Variants in NUP107 observed in about 807,000 individuals in gnomAD.
NUP107 encodes nucleoporin 107, also known as nuclear pore complex protein Nup107.
A neutral mutation model predicts 141.0 loss-of-function variants in NUP107; 101 were observed. That is an observed-to-expected ratio of 0.72 (90% CI 0.61 to 0.84). The LOEUF is 0.84. Among genes scored for constraint, NUP107 ranks in the 40% least tolerant of loss-of-function variants. NUP107 has a pLI of 0.00. For missense variants in NUP107, 941 were observed against 1,102.7 expected (o/e 0.85, Z 2.08); for synonymous variants, 319 against 363.9 (o/e 0.88, Z 1.41).
chr12:68,687,708 A>C (rs1302803107), intron 1 of NUP107: 5 of 891,938 alleles, frequency 5.6e-6, no homozygotes. Context: ...TCGTACTCCA[A>C]ACATTGAGTA....
intron 22 of NUP107, among the ~76,000 whole-genome samples, chr12:68,732,275 C>T (rs1304931551): frequency 6.6e-6 from 1 of 152,154 alleles, no homozygotes; most frequent in African/African-American, 2.4e-5. Flanking sequence ...GCTGGGATTA[C>T]AGGCATGTGC....
chr12:68,722,975 T>TATA (rs1231246837), intron 17 of NUP107, among the ~76,000 whole-genome samples: 1 of 152,164 alleles, frequency 6.6e-6, no homozygotes, highest in East Asian at 1.9e-4. Flanking sequence ...GGTTAAGGAG[T>TATA]ATAAATAAGT....
intron 8 of NUP107, among the ~76,000 whole-genome samples, chr12:68,704,835 A>G (rs933684360): frequency 6.6e-6 from 1 of 151,910 alleles, no homozygotes; most frequent in East Asian, 1.9e-4. Flanking sequence ...TTTTATGTAT[A>G]TCTGTTAGAC....
At chr12:68,702,252 G>T (rs191959171) in intron 7 of NUP107, among the ~76,000 whole-genome samples, 274 of 151,946 alleles carry the variant, frequency 1.8e-3, no homozygotes, top group Non-Finnish European at 3.4e-3. Context: ...GCCTCCCAAA[G>T]TGCTAGGATT....
intron 17 of NUP107, among the ~76,000 whole-genome samples, chr12:68,723,761 T>A (rs998985684): frequency 6.6e-6 from 1 of 152,226 alleles, no homozygotes; most frequent in Non-Finnish European, 1.5e-5. Context: ...AATAGGAACT[T>A]GCTGTTCTAC....
intron 17 of NUP107, among the ~76,000 whole-genome samples, chr12:68,724,144 TAA>T (rs2136035570): frequency 6.6e-6 from 1 of 152,094 alleles, no homozygotes; most frequent in South Asian, 2.1e-4. Flanking sequence ...GTTTTTTTTT[TAA>T]AAGTCAAGTC....
intron 15 of NUP107, 47 bp downstream of exon 15, chr12:68,721,224 TAAATA>T (rs747075812): frequency 7.4e-6 from 9 of 1,217,830 alleles, no homozygotes; most frequent in East Asian, 7.0e-5. Flanking sequence ...GGAGTAAAAT[TAAATA>T]AAATATTCTA....
intron 6 of NUP107, among the ~76,000 whole-genome samples, chr12:68,697,967 G>T (rs1267014037): frequency 6.6e-6 from 1 of 151,130 alleles, no homozygotes; most frequent in Non-Finnish European, 1.5e-5. Flanking sequence ...GGCGGAAGTT[G>T]CAGTGAACCA....
chr12:68,720,257 A>G (rs1877298501), intron 14 of NUP107, among the ~76,000 whole-genome samples: 1 of 152,170 alleles, frequency 6.6e-6, no homozygotes, highest in Admixed American at 6.5e-5. Context: ...TACATCTGTC[A>G]AACAGTTCAA....
chr12:68,705,767 G>A (rs533079190), intron 8 of NUP107: 3 of 734,874 alleles, frequency 4.1e-6, no homozygotes, highest in Admixed American at 3.6e-5. Flanking sequence ...GGCAGCAGCA[G>A]TTTCCGGGGT....
Position 68,733,469 on chromosome 12 carries a change from G to A in NUP107, c.2119G>A (p.Ala707Thr). 1.2e-6 allele frequency: 2 copies of A among 1,610,334 alleles called. No homozygotes were observed. Among genetic ancestry groups the A allele is most frequent in the South Asian group, 1.1e-5 (1 of 90,316 alleles). The change falls in exon 24 of 28, where the codon GCT becomes ACT. Residue 707 changes from alanine (A) to threonine (T), a missense_variant. Physicochemically the swap from Ala to Thr is moderately conservative, Grantham distance 58 (BLOSUM62 0). Coordinates refer to ENST00000229179, the MANE Select transcript of NUP107 (RefSeq NM_020401.4). ...RKFLASKKHE[A>T]AKEVFVKIPQ... ...TTTCACAGCATCAAAAAAGCACGAAGCTGCAAAAGAAGTATTTGTGAAAAT... is the reference window on the plus strand; with the variant it reads ...TTTCACAGCATCAAAAAAGCACGAAACTGCAAAAGAAGTATTTGTGAAAAT...
chr12:68,719,301 C>A (rs1414649886), intron 12 of NUP107, 40 bp from the exon 13 acceptor site: 2 of 1,468,620 alleles, frequency 1.4e-6, no homozygotes, highest in African/African-American at 1.4e-5. Context: ...CTATAAAGCA[C>A]CCTGGTTATT....
At chr12:68,724,588 A>G (rs1877481142) in intron 17 of NUP107, among the ~76,000 whole-genome samples, 1 of 151,992 alleles carries the variant, frequency 6.6e-6, no homozygotes. Context: ...ACCGGCATGG[A>G]CAACATGGCA....
At chr12:68,742,266 T>C (rs113281769) in intron 27 of NUP107, 89 bp from the exon 28 acceptor site, 333 of 800,934 alleles carry the variant, frequency 4.2e-4, no homozygotes, top group Non-Finnish European at 6.4e-4. Context: ...TTTCTTCTTA[T>C]ATGAAGCTAA....
At chr12:68,702,617 A>G (rs1411504399) in intron 7 of NUP107, 119 bp from the exon 8 acceptor site, 5 of 655,700 alleles carry the variant, frequency 7.6e-6, no homozygotes, top group South Asian at 1.9e-5. Context: ...TGAAAAAATA[A>G]ATAATAAAAA....
At chr12:68,712,836 GA>G (rs1876927283) in intron 10 of NUP107, among the ~76,000 whole-genome samples, 1 of 151,906 alleles carries the variant, frequency 6.6e-6, no homozygotes, top group South Asian at 2.1e-4. Context: ...ACAAACTGCA[GA>G]AAAATGATAT....
intron 1 of NUP107, 80 bp downstream of exon 1, chr12:68,687,153 T>A: frequency 7.5e-6 from 12 of 1,592,650 alleles, no homozygotes; most frequent in Non-Finnish European, 1.0e-5. Context: ...GAAACTAGAC[T>A]CCCAGAAGAA....
chr12:68,703,749 T>C (rs1825036328), intron 8 of NUP107, among the ~76,000 whole-genome samples: 1 of 152,160 alleles, frequency 6.6e-6, no homozygotes, highest in South Asian at 2.1e-4. Context: ...GTGCCCGGCT[T>C]ATACTGAGAG....
rs1406444752 is a variant in NUP107, at chr12:68,735,272, T to C, written c.2430T>C (p.Thr810=). The part of the protein sequence containing the change: ...GIWKGHLDAL[T]ADVKEKMYNV... ...GGAAAGGGCATTTGGATGCCCTAAC[T>C]GCTGATGTGAAGGAGAAAATGTATA... The change falls in exon 26 of 28, where the codon ACT becomes ACC. Residue 810 remains threonine (T), a synonymous_variant. Coordinates refer to ENST00000229179, the MANE Select transcript of NUP107 (RefSeq NM_020401.4). The C allele has an allele frequency of 1.2e-6, 2 of 1,613,972 alleles. No individual in the cohort carries two copies. The highest frequency in any genetic ancestry group is 1.7e-6 in the Non-Finnish European group (2 of 1,179,974).
Sources: gnomAD v4.1 joint callset for allele counts (sites outside exome capture counted in the v4.1 genomes callset) on GRCh38, gnomAD v4.1.1 for gene constraint, MANE v1.5 for transcripts, NCBI Gene and HGNC (gene_info 2026-07-23, HGNC 2026-07-21) for gene names.